Variants in TIMM8B observed in about 807,000 individuals in gnomAD.
TIMM8B encodes translocase of inner mitochondrial membrane 8 homolog B, also known as mitochondrial import inner membrane translocase subunit Tim8 B.
TIMM8B carries 5 observed loss-of-function variants against 8.5 expected under a neutral mutation model. That is an observed-to-expected ratio of 0.59 (90% CI 0.31 to 1.24). TIMM8B has a LOEUF of 1.24. Among genes scored for constraint, TIMM8B ranks in the 50% most tolerant of loss-of-function variants. The pLI is 0.07. For missense variants in TIMM8B, 104 were observed against 109.2 expected (o/e 0.95, Z 0.21); for synonymous variants, 44 against 39.9 (o/e 1.10, Z -0.39).
At chr11:112,086,284 T>G in intron 1 of TIMM8B, 1 of 499,086 alleles carries the variant, frequency 2.0e-6, no homozygotes. Context: ...CCACAGTGGA[T>G]GAGTATCTTT....
chr11:112,085,567 A>G lies in TIMM8B; in HGVS notation c.85-105T>C, dbSNP rs7127061. On this transcript the variant is annotated intron_variant, in intron 1 of 1. Transcript: ENST00000504148. ...ACCTGACAAAACCATTCTTTAAATC[A>G]ACCACGGAGTCACTTTGGGCTCTTC... 0.032 allele frequency: 30,161 copies of G among 929,182 alleles called. 3,421 individuals carry two copies. The African/African-American group carries it at 0.33, about 10-fold the overall frequency. The allele number at this position is 929,182 out of a possible 1,614,324, so 57.6% of individuals were successfully genotyped here.
At chr11:112,086,273 C>T in intron 1 of TIMM8B, 1 of 493,362 alleles carries the variant, frequency 2.0e-6, no homozygotes, top group Non-Finnish European at 3.9e-6. Flanking sequence ...GACACCAAAA[C>T]CCACAGTGGA....
chr11:112,086,103 C>T (rs1211771981), intron 1 of TIMM8B: 2 of 1,185,390 alleles, frequency 1.7e-6, no homozygotes, highest in Non-Finnish European at 2.2e-6. Context: ...GAAGTCAGGC[C>T]GCGTTAGAAC....
In TIMM8B at chr11:112,086,508, T is replaced by C. The variant is rs1382917365; in HGVS notation, c.84+132A>G. Reference sequence around the variant, plus strand: ...CAGGGACAGGAGAGCCATAACTTTGTCTTTCGTGAGGGGAATGGGATGCAG... The same window carrying C: ...CAGGGACAGGAGAGCCATAACTTTGCCTTTCGTGAGGGGAATGGGATGCAG... On this transcript the variant is annotated intron_variant, in intron 1 of 1. Coordinates refer to ENST00000504148, the MANE Select transcript of TIMM8B (RefSeq NM_012459.4). 4.4e-6 allele frequency: 6 copies of C among 1,352,716 alleles called. No individual in the cohort carries two copies. In the African/African-American group the frequency reaches 8.7e-5, roughly 20 times the overall value. The allele number at this position is 1,352,716 out of a possible 1,614,324, so 83.8% of individuals were successfully genotyped here. A position where few individuals can be genotyped will look rare whatever the true frequency, so the allele number is the denominator to read the frequency against.
At chr11:112,086,569 ACCT>A in intron 1 of TIMM8B, 68 bp downstream of exon 1, 1 of 1,491,546 alleles carries the variant, frequency 6.7e-7, no homozygotes, top group Non-Finnish European at 8.9e-7. Flanking sequence ...CAGTGTACAG[ACCT>A]CCGAGCGTGC....
rs1395303657 is a variant in TIMM8B at position 112,085,081 on chromosome 11, CTT to C, written c.*212_*213del. ...TAAAAGAAGAGTTGGAGAATTCACA[CTT>C]ATTGAGTAACTGATGTCATACAACC... On this transcript the variant is annotated 3_prime_UTR_variant, in exon 2 of 2. Coordinates refer to ENST00000504148, the MANE Select transcript of TIMM8B (RefSeq NM_012459.4). 2.3e-6 allele frequency: 1 copy of C among 426,064 alleles called. No homozygotes were observed. The highest frequency in any genetic ancestry group is 2.0e-5 in the African/African-American group (1 of 50,692). The allele number at this position is 426,064 out of a possible 1,614,324, so 26.4% of individuals were successfully genotyped here. A position where few individuals can be genotyped will look rare whatever the true frequency, so the allele number is the denominator to read the frequency against.
In TIMM8B at chr11:112,085,364, G is replaced by A. The variant is rs774537987; in HGVS notation, c.183C>T (p.Asp61=). 2 of 1,613,590 alleles carry A rather than the reference G, an allele frequency of 1.2e-6. No individual in the cohort carries two copies. Among genetic ancestry groups the A allele is most frequent in the African/African-American group, 1.3e-5 (1 of 74,898 alleles). The change falls in exon 2 of 2, where the codon GAC becomes GAT. Residue 61 remains aspartate (D), a synonymous_variant. Coordinates refer to ENST00000504148, the MANE Select transcript of TIMM8B (RefSeq NM_012459.4). ...TGGCAAGAGTGGTGTCAATGAAGCG[G>A]TCTACACAGCTGGAGAGACAATTTT... The part of the protein sequence containing the change: ...RTENCLSSCV[D]RFIDTTLAIT...
Position 112,086,739 on chromosome 11 carries a change from C to G in TIMM8B, c.-16G>C. On this transcript the variant is annotated 5_prime_UTR_variant, in exon 1 of 2. Transcript: ENST00000504148. ...GCTCCGCCATTGTTCGCCTCAGGCT[C>G]GCCACCTTCCGACAGCTGTGTTTGC... The G allele has an allele frequency of 1.2e-6, 2 of 1,600,576 alleles. No individual in the cohort carries two copies. Among genetic ancestry groups the G allele is most frequent in the Non-Finnish European group, 1.7e-6 (2 of 1,174,944 alleles).
chr11:112,085,402 C>A lies in TIMM8B; in HGVS notation c.145G>T (p.Asp49Tyr). 1 of 1,614,070 alleles carries A rather than the reference C, an allele frequency of 6.2e-7. No individual in the cohort carries two copies. Among genetic ancestry groups the A allele is most frequent in the East Asian group, 2.2e-5 (1 of 44,880 alleles). The change falls in exon 2 of 2, where the codon GAC becomes TAC. Residue 49 changes from aspartate (D) to tyrosine (Y), a missense_variant. Asp to Tyr is a radical substitution (Grantham distance 160, BLOSUM62 -3). Transcript: ENST00000504148. Reference sequence around the variant, plus strand: ...GAGAGACAATTTTCAGTGCGAGAGTCTAGGCGATTCCCTGGCTTCTCCACA... The same window carrying A: ...GAGAGACAATTTTCAGTGCGAGAGTATAGGCGATTCCCTGGCTTCTCCACA... ...KCVEKPGNRL[D>Y]SRTENCLSSC...
intron 1 of TIMM8B, chr11:112,086,251 T>C (rs1865594542): frequency 2.0e-6 from 1 of 495,810 alleles, no homozygotes; most frequent in South Asian, 1.5e-5. Context: ...AGTGAGGCAG[T>C]GGGGTGACGG....
chr11:112,086,361 C>A (rs188188004), intron 1 of TIMM8B: 139 of 618,072 alleles, frequency 2.2e-4, no homozygotes, highest in Admixed American at 2.1e-3. Flanking sequence ...AATGCCAGCC[C>A]AGTCATGTCG....
At chr11:112,086,565 A>G in intron 1 of TIMM8B, 75 bp downstream of exon 1, 1 of 1,491,078 alleles carries the variant, frequency 6.7e-7, no homozygotes, top group South Asian at 1.3e-5. Flanking sequence ...CCGCCAGTGT[A>G]CAGACCTCCG....
intron 1 of TIMM8B, 103 bp downstream of exon 1, chr11:112,086,537 G>A: frequency 6.9e-7 from 1 of 1,453,550 alleles, no homozygotes; most frequent in Non-Finnish European, 9.1e-7. Flanking sequence ...GATGCAGCCG[G>A]GATCGAGCAC....
chr11:112,086,503 CT>C, intron 1 of TIMM8B, 136 bp downstream of exon 1: 2 of 1,320,920 alleles, frequency 1.5e-6, no homozygotes, highest in Non-Finnish European at 2.1e-6. Flanking sequence ...AGAGCCATAA[CT>C]TTGTCTTTCG....
At chr11:112,086,541 C>G (rs1447228556) in intron 1 of TIMM8B, 99 bp downstream of exon 1, 5 of 1,459,538 alleles carry the variant, frequency 3.4e-6, no homozygotes, top group African/African-American at 2.8e-5. Context: ...CAGCCGGGAT[C>G]GAGCACCAGT....
chr11:112,086,061 G>T, intron 1 of TIMM8B: 1 of 1,184,284 alleles, frequency 8.4e-7, no homozygotes, highest in Non-Finnish European at 1.1e-6. Context: ...TAAGAGGCGT[G>T]ATTATGTAGT....
intron 1 of TIMM8B, chr11:112,086,003 A>C (rs1348575812): frequency 7.1e-6 from 8 of 1,120,730 alleles, no homozygotes; most frequent in Non-Finnish European, 8.9e-6. Context: ...GTACTAAGAA[A>C]TCAGTTCTCT....
In TIMM8B at chr11:112,085,427, A is replaced by G; in HGVS notation, c.120T>C (p.Cys40=). ...CTAGGCGATTCCCTGGCTTCTCCAC[A>G]CATTTATCCCAACATAACTCCATGA... ...HHFMELCWDK[C]VEKPGNRLDS... is the part of the protein sequence containing the mutation. The change falls in exon 2 of 2, where the codon TGT becomes TGC. Residue 40 remains cysteine, a synonymous_variant. Transcript: ENST00000504148. 6.2e-7 allele frequency: 1 copy of G among 1,614,070 alleles called. No individual in the cohort carries two copies. Among genetic ancestry groups the G allele is most frequent in the Non-Finnish European group, 8.5e-7 (1 of 1,179,934 alleles).
chr11:112,085,098 G>A lies in TIMM8B; in HGVS notation c.*197C>T. 2.2e-6 allele frequency: 1 copy of A among 449,868 alleles called. No individual in the cohort carries two copies. The highest frequency in any genetic ancestry group is 3.9e-6 in the Non-Finnish European group (1 of 253,518). The allele number at this position is 449,868 out of a possible 1,614,324, so 27.9% of individuals were successfully genotyped here. Reference sequence around the variant, plus strand: ...AATTCACACTTATTGAGTAACTGATGTCATACAACCTGGAATTTCTGAATT... The same window carrying A: ...AATTCACACTTATTGAGTAACTGATATCATACAACCTGGAATTTCTGAATT... On this transcript the variant is annotated 3_prime_UTR_variant, in exon 2 of 2. Transcript: ENST00000504148.
Sources: allele counts gnomAD v4.1 joint callset, GRCh38; gene constraint gnomAD v4.1.1; transcripts MANE v1.5; gene names NCBI Gene and HGNC (gene_info 2026-07-23, HGNC 2026-07-21).